Variants in EDEM2 observed in about 807,000 individuals in gnomAD.
EDEM2 encodes ER degradation-enhancing alpha-mannosidase-like protein 2.
Under a neutral mutation model 64.8 loss-of-function variants are expected in EDEM2, and 39 were observed. That is an observed-to-expected ratio of 0.60 (90% CI 0.47 to 0.79). EDEM2 has a LOEUF of 0.79. Among genes scored for constraint, EDEM2 ranks in the 30% least tolerant of loss-of-function variants. EDEM2 has a pLI of 0.00. For missense variants in EDEM2, 609 were observed against 731.3 expected (o/e 0.83, Z 1.93); for synonymous variants, 296 against 291.5 (o/e 1.02, Z -0.16).
chr20:35,141,564 A>G (rs1569182705), intron 4 of EDEM2, among the ~76,000 whole-genome samples: 1 of 152,234 alleles, frequency 6.6e-6, no homozygotes, highest in Non-Finnish European at 1.5e-5. Context: ...TGTCTGGAAT[A>G]TAAGTTTCAT....
chr20:35,120,409 CT>C (rs1487270147), intron 9 of EDEM2, among the ~76,000 whole-genome samples: 2 of 152,070 alleles, frequency 1.3e-5, no homozygotes, highest in Non-Finnish European at 2.9e-5. Flanking sequence ...CTCCCCAGTT[CT>C]CTCTTACTTC....
chr20:35,120,001 T>C (rs1463834605), intron 9 of EDEM2, among the ~76,000 whole-genome samples: 1 of 152,190 alleles, frequency 6.6e-6, no homozygotes. Context: ...TGTTTCCTCC[T>C]GGGCTTGATC....
chr20:35,140,371 C>T (rs1233066117), intron 4 of EDEM2, among the ~76,000 whole-genome samples: 1 of 152,080 alleles, frequency 6.6e-6, no homozygotes, highest in Non-Finnish European at 1.5e-5. Flanking sequence ...GTAATCCCAG[C>T]TACTCTGGAG....
intron 10 of EDEM2, among the ~76,000 whole-genome samples, chr20:35,117,580 C>T (rs529728585): frequency 6.6e-6 from 1 of 151,914 alleles, no homozygotes; most frequent in Admixed American, 6.5e-5. Context: ...TTATTTTTTC[C>T]CTTCCACATG....
In EDEM2 at chr20:35,135,967, C is replaced by T. The variant is rs576722514; in HGVS notation, c.491-1018G>A. ...CACCCAAGTGCCTTCTGGTTCAAGA[C>T]GAGAACTGGACAACCAGCCAGAGGC... On this transcript the variant is annotated intron_variant, in intron 5 of 10. Coordinates refer to ENST00000374492, the MANE Select transcript of EDEM2 (RefSeq NM_018217.3). Among the ~76,000 whole-genome samples, 5 of 152,282 alleles carry T rather than the reference C, an allele frequency of 3.3e-5. No homozygotes were observed. In the East Asian group the frequency reaches 5.8e-4, roughly 18 times the overall value.
intron 7 of EDEM2, among the ~76,000 whole-genome samples, chr20:35,127,970 T>C (rs527380096): frequency 1.8e-4 from 28 of 152,364 alleles, no homozygotes; most frequent in African/African-American, 6.7e-4. Flanking sequence ...ACACCTACTG[T>C]GCTGCCAGTC....
At chr20:35,143,590 T>C (rs746489062) in intron 3 of EDEM2, among the ~76,000 whole-genome samples, 5 of 152,140 alleles carry the variant, frequency 3.3e-5, no homozygotes, top group African/African-American at 9.7e-5. Flanking sequence ...AATCTCAATC[T>C]CTCTTCTTTT....
chr20:35,124,137 T>C, intron 8 of EDEM2, 103 bp from the exon 9 acceptor site: 1 of 1,417,906 alleles, frequency 7.1e-7, no homozygotes, highest in Admixed American at 2.0e-5. Flanking sequence ...AAAAAGGCCT[T>C]GAATCAATCC....
intron 6 of EDEM2, among the ~76,000 whole-genome samples, chr20:35,132,870 T>G (rs2085524432): frequency 6.6e-6 from 1 of 152,096 alleles, no homozygotes; most frequent in South Asian, 2.1e-4. Context: ...GCTTAGACCC[T>G]CATGGAAGCT....
At chr20:35,135,176 C>G (rs575650263) in intron 5 of EDEM2, among the ~76,000 whole-genome samples, 2 of 152,298 alleles carry the variant, frequency 1.3e-5, no homozygotes, top group South Asian at 2.1e-4. Flanking sequence ...TCCTGCTCAT[C>G]ATGAGGGGGC....
intron 6 of EDEM2, among the ~76,000 whole-genome samples, chr20:35,132,315 CTT>C (rs111961414): frequency 1.4e-5 from 2 of 145,640 alleles, no homozygotes. Flanking sequence ...TATCCTTTGA[CTT>C]TTTTTTTTTT....
chr20:35,119,333 G>A (rs2085343492), intron 9 of EDEM2, among the ~76,000 whole-genome samples: 1 of 152,168 alleles, frequency 6.6e-6, no homozygotes, highest in East Asian at 1.9e-4. Flanking sequence ...GGTGGCTCAT[G>A]CCTGTAATCC....
At chr20:35,129,902 A>T (rs1473656771) in intron 7 of EDEM2, among the ~76,000 whole-genome samples, 1 of 152,170 alleles carries the variant, frequency 6.6e-6, no homozygotes. Flanking sequence ...CTAGGTGTGT[A>T]GTTGGCTATA....
intron 5 of EDEM2, 26 bp from the exon 6 acceptor site, chr20:35,134,975 C>T (rs771456670): frequency 8.7e-6 from 14 of 1,609,464 alleles, no homozygotes; most frequent in Middle Eastern, 1.6e-4. Context: ...ATTATGATCC[C>T]GGACAGGAGC....
chr20:35,115,775 G>A lies in EDEM2; in HGVS notation c.1395C>T (p.Ile465=). 6.2e-7 allele frequency: 1 copy of A among 1,614,212 alleles called. No homozygotes were observed. Among genetic ancestry groups the A allele is most frequent in the Non-Finnish European group, 8.5e-7 (1 of 1,180,038 alleles). ...DAVITPYGEC[I]LGAGGYIFNT... is the part of the protein sequence containing the mutation. ...TGAAGATGTACCCCCCAGCCCCCAG[G>A]ATGCACTCCCCATAGGGGGTGATCA... Residue 465 remains isoleucine (I), a synonymous_variant, in exon 11 of 11, where the codon ATC becomes ATT. Transcript: ENST00000374492.
chr20:35,138,023 A>G lies in EDEM2; in HGVS notation c.365-18T>C. On this transcript the variant is annotated intron_variant, in intron 4 of 10. Coordinates refer to ENST00000374492, the MANE Select transcript of EDEM2 (RefSeq NM_018217.3). The stretch of plus-strand genomic sequence containing the variant: ...TCCTACCACTACAGATGGCACAGAA[A>G]GCAAATGGCACAGTCCAAAGGGAAA... The G allele has an allele frequency of 6.2e-7, 1 of 1,613,530 alleles. No homozygotes were observed. Among genetic ancestry groups the G allele is most frequent in the Non-Finnish European group, 8.5e-7 (1 of 1,179,724 alleles).
chr20:35,147,085 C>T, intron 1 of EDEM2, 67 bp downstream of exon 1: 1 of 1,558,120 alleles, frequency 6.4e-7, no homozygotes, highest in Non-Finnish European at 8.7e-7. Context: ...CTGGGATGGA[C>T]GGAAAGGGAA....
At chr20:35,130,853 AT>A (rs2085496963) in intron 7 of EDEM2, among the ~76,000 whole-genome samples, 1 of 152,220 alleles carries the variant, frequency 6.6e-6, no homozygotes, top group Non-Finnish European at 1.5e-5. Flanking sequence ...TTCAACAGGT[AT>A]TAATCTATTA....
chr20:35,131,944 G>A lies in EDEM2; in HGVS notation c.703-161C>T, dbSNP rs1277190166. Among the ~76,000 whole-genome samples, 3 of 152,212 alleles carry A rather than the reference G, an allele frequency of 2.0e-5. No individual in the cohort carries two copies. The East Asian group carries it at 5.8e-4, about 29-fold the overall frequency. On this transcript the variant is annotated intron_variant, in intron 6 of 10. Transcript: ENST00000374492. ...AGAGGGAAGGGCAATGCTGGATCAT[G>A]GCCAGCCTTCCTGTACATCTGCATA... is the stretch of plus-strand genomic sequence containing the variant.
Sources: gnomAD v4.1 joint callset for allele counts (sites outside exome capture counted in the v4.1 genomes callset) on GRCh38, gnomAD v4.1.1 for gene constraint, MANE v1.5 for transcripts, NCBI Gene and HGNC (gene_info 2026-07-23, HGNC 2026-07-21) for gene names.